The following PACRG variants were observed in gnomAD, a reference collection of about 807,000 sequenced individuals.
PACRG encodes parkin coregulated gene protein.
Under a neutral mutation model 29.7 loss-of-function variants are expected in PACRG, and 29 were observed. The ratio of observed to expected loss-of-function variants is 0.98; its 90% CI spans 0.73 to 1.33. The LOEUF (loss-of-function observed/expected upper bound fraction) is 1.33, where lower values mean the gene tolerates loss of function less well. Ranked by LOEUF, PACRG falls within the 40% of genes most tolerant of loss-of-function variation. The pLI is 0.00. For synonymous variants in PACRG, 116 were observed against 118.7 expected (o/e 0.98, Z 0.15); for missense variants, 279 against 316.2 (o/e 0.88, Z 0.89).
rs548496491 is a variant in PACRG, at chr6:163,040,658, A to C, written c.292-21492A>C. On this transcript the variant is annotated intron_variant, in intron 2 of 4. Coordinates refer to ENST00000366888, the MANE Select transcript of PACRG (RefSeq NM_001080379.2). ...GCCCTGGATGTAAAATATGGAGTCA[A>C]AGGAGATTTTGGAGCTTTAAAATCT... 2.0e-5 allele frequency among the ~76,000 whole-genome samples: 3 copies of C among 152,338 alleles called. No individual in the cohort carries two copies. In the South Asian group the frequency reaches 6.2e-4, roughly 32 times the overall value.
At chr6:162,740,463 A>T (rs943860243) in intron 1 of PACRG, among the ~76,000 whole-genome samples, 7 of 151,432 alleles carry the variant, frequency 4.6e-5, no homozygotes, top group African/African-American at 1.7e-4. Flanking sequence ...GGCGCCCACC[A>T]CCACCCCCAG....
intron 2 of PACRG, among the ~76,000 whole-genome samples, chr6:162,935,657 G>T (rs961409145): frequency 2.0e-5 from 3 of 151,384 alleles, no homozygotes; most frequent in Non-Finnish European, 4.4e-5. Flanking sequence ...TCATTATTTT[G>T]GATTTCTTTT....
intron 2 of PACRG, among the ~76,000 whole-genome samples, chr6:162,891,337 T>C (rs1469347372): frequency 6.6e-6 from 1 of 152,130 alleles, no homozygotes; most frequent in Non-Finnish European, 1.5e-5. Flanking sequence ...GGAAAACCCT[T>C]AGGGAAGGTT....
chr6:162,803,171 G>T (rs1404621440), intron 1 of PACRG, among the ~76,000 whole-genome samples: 1 of 152,188 alleles, frequency 6.6e-6, no homozygotes, highest in African/African-American at 2.4e-5. Context: ...GGAAAGGTTT[G>T]TGCTGAGTCT....
chr6:162,930,843 T>A (rs537315549), intron 2 of PACRG, among the ~76,000 whole-genome samples: 14 of 151,886 alleles, frequency 9.2e-5, no homozygotes, highest in Admixed American at 4.6e-4. Context: ...CTACATGGTT[T>A]TTTTCTTGGT....
intron 4 of PACRG, among the ~76,000 whole-genome samples, chr6:163,177,556 C>A (rs1325553879): frequency 6.6e-6 from 1 of 151,974 alleles, no homozygotes; most frequent in Admixed American, 6.6e-5. Flanking sequence ...AGGGTTTGTG[C>A]TCCACAAGTT....
chr6:163,305,879 T>TGATG (rs1374992574), intron 4 of PACRG, among the ~76,000 whole-genome samples: 1 of 152,258 alleles, frequency 6.6e-6, no homozygotes, highest in African/African-American at 2.4e-5. Flanking sequence ...ACCTCTCTGC[T>TGATG]GATGATACGG....
intron 1 of PACRG, among the ~76,000 whole-genome samples, chr6:162,736,172 T>G (rs1780149810): frequency 6.6e-6 from 1 of 152,226 alleles, no homozygotes; most frequent in South Asian, 2.1e-4. Flanking sequence ...TTTAAATACA[T>G]GCAACATACC....
intron 2 of PACRG, among the ~76,000 whole-genome samples, chr6:163,000,944 A>C (rs1388420586): frequency 6.6e-6 from 1 of 152,216 alleles, no homozygotes; most frequent in Non-Finnish European, 1.5e-5. Context: ...GCCCAGCCTC[A>C]GATAGCTGCT....
chr6:162,947,159 G>A (rs1799075022), intron 2 of PACRG, among the ~76,000 whole-genome samples: 1 of 150,436 alleles, frequency 6.6e-6, no homozygotes, highest in African/African-American at 2.4e-5. Context: ...CATCCAAATG[G>A]GAGAAGAAGC....
intron 2 of PACRG, among the ~76,000 whole-genome samples, chr6:162,977,593 A>G (rs1196530268): frequency 1.4e-4 from 22 of 152,090 alleles, no homozygotes; most frequent in Admixed American, 1.4e-3. Context: ...TTCAAGAGCA[A>G]TAATTAGAGG....
intron 1 of PACRG, among the ~76,000 whole-genome samples, chr6:162,761,376 A>G (rs906078311): frequency 6.6e-6 from 1 of 152,166 alleles, no homozygotes; most frequent in Non-Finnish European, 1.5e-5. Flanking sequence ...TTCTTACTAC[A>G]ATTCTTTTTA....
chr6:163,038,942 A>T (rs1808445818), intron 2 of PACRG, among the ~76,000 whole-genome samples: 1 of 152,192 alleles, frequency 6.6e-6, no homozygotes. Context: ...CCTGAATAGA[A>T]ATGAAATATT....
At chr6:162,791,931 T>C (rs137908159) in intron 1 of PACRG, among the ~76,000 whole-genome samples, 160 of 152,232 alleles carry the variant, frequency 1.1e-3, no homozygotes, top group African/African-American at 3.8e-3. Flanking sequence ...CTGACGGGTG[T>C]GTAGATGTGG....
chr6:163,014,510 C>G (rs1401157797), intron 2 of PACRG, among the ~76,000 whole-genome samples: 1 of 63,492 alleles, frequency 1.6e-5, no homozygotes, highest in African/African-American at 6.6e-5. Context: ...GCAGTCTTGC[C>G]AACATGTATT....
At chr6:162,908,702 TAA>T (rs1009816477) in intron 2 of PACRG, among the ~76,000 whole-genome samples, 3 of 152,176 alleles carry the variant, frequency 2.0e-5, no homozygotes, top group African/African-American at 7.2e-5. Flanking sequence ...TTGGGTTTCA[TAA>T]ACCTTCAGGA....
At chr6:162,816,037 T>C (rs1405638044) in intron 2 of PACRG, among the ~76,000 whole-genome samples, 2 of 152,084 alleles carry the variant, frequency 1.3e-5, no homozygotes, top group African/African-American at 4.8e-5. Flanking sequence ...ATTTTGAAAA[T>C]AAATTATTAA....
At chr6:163,249,488 G>A (rs1782822075) in intron 4 of PACRG, among the ~76,000 whole-genome samples, 1 of 152,206 alleles carries the variant, frequency 6.6e-6, no homozygotes, top group African/African-American at 2.4e-5. Context: ...ATGACTGAAA[G>A]GTCCCAAGTT....
At chr6:163,011,696 G>T (rs531218252) in intron 2 of PACRG, among the ~76,000 whole-genome samples, 78 of 152,204 alleles carry the variant, frequency 5.1e-4, no homozygotes, top group African/African-American at 1.7e-3. Flanking sequence ...TTTAACTTTT[G>T]ACTCTTTAGT....
Sources: allele counts gnomAD v4.1 joint callset (sites outside exome capture counted in the v4.1 genomes callset), GRCh38; gene constraint gnomAD v4.1.1; transcripts MANE v1.5; gene names NCBI Gene and HGNC (gene_info 2026-07-23, HGNC 2026-07-21).